The following SNTG1 variants were observed in gnomAD, a reference collection of about 807,000 sequenced individuals.
SNTG1 encodes gamma-1-syntrophin.
In SNTG1, 39 loss-of-function variants were observed where a neutral mutation model predicts 74.7. The observed-to-expected ratio is 0.52, with a 90% CI of 0.40 to 0.68. The LOEUF is 0.68. Among genes scored for constraint, SNTG1 ranks in the 30% least tolerant of loss-of-function variants. The pLI is 0.00. For missense variants in SNTG1, 685 were observed against 609.5 expected (o/e 1.12, Z -1.30); for synonymous variants, 254 against 217.1 (o/e 1.17, Z -1.49).
chr8:50,439,812 C>T (rs1367723466), intron 5 of SNTG1, among the ~76,000 whole-genome samples: 2 of 139,692 alleles, frequency 1.4e-5, no homozygotes, highest in East Asian at 2.3e-4. Flanking sequence ...TGAATAAAAT[C>T]CAATAGTGAG....
At chr8:50,726,571 T>C (rs920009750) in intron 17 of SNTG1, among the ~76,000 whole-genome samples, 11 of 152,286 alleles carry the variant, frequency 7.2e-5, no homozygotes, top group African/African-American at 1.9e-4. Context: ...AATTTGAGGC[T>C]GGGCGCACTG....
chr8:50,497,718 T>C (rs1276093099), intron 8 of SNTG1, among the ~76,000 whole-genome samples: 1 of 151,990 alleles, frequency 6.6e-6, no homozygotes, highest in Non-Finnish European at 1.5e-5. Context: ...AATACTCATT[T>C]ACCCTAAAAG....
At chr8:50,455,427 G>A (rs2093496217) in intron 8 of SNTG1, among the ~76,000 whole-genome samples, 1 of 152,158 alleles carries the variant, frequency 6.6e-6, no homozygotes, top group African/African-American at 2.4e-5. Context: ...ACCTAATTCT[G>A]AAGTCATGAT....
intron 1 of SNTG1, among the ~76,000 whole-genome samples, chr8:50,053,232 G>A (rs1204537516): frequency 6.6e-6 from 1 of 152,110 alleles, no homozygotes; most frequent in Non-Finnish European, 1.5e-5. Flanking sequence ...TTTTACAAGG[G>A]AATAGTCTTT....
At chr8:50,153,080 AT>A (rs1177105784) in intron 1 of SNTG1, among the ~76,000 whole-genome samples, 1 of 151,968 alleles carries the variant, frequency 6.6e-6, no homozygotes, top group Non-Finnish European at 1.5e-5. Context: ...ATAGTACCAT[AT>A]TTCTTGGAGG....
At chr8:50,695,074 G>C (rs1192149823) in intron 15 of SNTG1, among the ~76,000 whole-genome samples, 1 of 151,814 alleles carries the variant, frequency 6.6e-6, no homozygotes. Flanking sequence ...AGTGTTGAAG[G>C]TCCAAGCCAG....
intron 12 of SNTG1, among the ~76,000 whole-genome samples, chr8:50,585,464 G>A (rs530765770): frequency 1.2e-4 from 19 of 152,218 alleles, no homozygotes; most frequent in South Asian, 4.1e-4. Flanking sequence ...TTTTAGCTAC[G>A]TATAACACAA....
chr8:50,657,306 G>A (rs1191392875), intron 14 of SNTG1, among the ~76,000 whole-genome samples: 1 of 151,900 alleles, frequency 6.6e-6, no homozygotes, highest in African/African-American at 2.4e-5. Flanking sequence ...TGACGACATG[G>A]GAAAGGAGAT....
intron 2 of SNTG1, among the ~76,000 whole-genome samples, chr8:50,266,439 A>G (rs937641229): frequency 1.3e-5 from 2 of 152,002 alleles, no homozygotes; most frequent in Admixed American, 6.6e-5. Flanking sequence ...TTAACTTAAA[A>G]TAGATTATAG....
At chr8:50,153,816 TG>T (rs988838096) in intron 1 of SNTG1, among the ~76,000 whole-genome samples, 1 of 152,104 alleles carries the variant, frequency 6.6e-6, no homozygotes, top group Admixed American at 6.6e-5. Flanking sequence ...TGCCCCCTAC[TG>T]GGGGGTGCCT....
At chr8:50,247,685 T>TA (rs1479579053) in intron 2 of SNTG1, among the ~76,000 whole-genome samples, 3 of 151,172 alleles carry the variant, frequency 2.0e-5, no homozygotes, top group Admixed American at 2.0e-4. Flanking sequence ...TTTTTAGTTT[T>TA]TTTTTTTAAT....
chr8:50,771,758 G>C (rs1475816424), intron 18 of SNTG1, among the ~76,000 whole-genome samples: 12 of 151,972 alleles, frequency 7.9e-5, no homozygotes, highest in Admixed American at 7.9e-4. Flanking sequence ...AATGGTTTTG[G>C]GGGACAGGCC....
chr8:50,694,012 G>A (rs1357703257), intron 15 of SNTG1, among the ~76,000 whole-genome samples: 1 of 151,958 alleles, frequency 6.6e-6, no homozygotes, highest in East Asian at 1.9e-4. Context: ...AAAGGAGAAA[G>A]ATTTCATATA....
chr8:50,765,225 G>C (rs890662819), intron 18 of SNTG1, among the ~76,000 whole-genome samples: 6 of 152,146 alleles, frequency 3.9e-5, no homozygotes, highest in Admixed American at 2.0e-4. Flanking sequence ...GGCATGAGTG[G>C]GTATGGGGCC....
intron 13 of SNTG1, among the ~76,000 whole-genome samples, chr8:50,629,065 C>T (rs2094977404): frequency 6.6e-6 from 1 of 151,960 alleles, no homozygotes; most frequent in South Asian, 2.1e-4. Flanking sequence ...TTGCCAGAGC[C>T]TGAGGGGAAG....
At chr8:50,103,619 G>A (rs1314475462) in intron 1 of SNTG1, among the ~76,000 whole-genome samples, 5 of 152,156 alleles carry the variant, frequency 3.3e-5, no homozygotes, top group African/African-American at 7.2e-5. Flanking sequence ...TGGTGAGAGA[G>A]GGCATCCCTG....
chr8:50,152,960 AG>A (rs763117359), intron 1 of SNTG1, among the ~76,000 whole-genome samples: 4 of 152,114 alleles, frequency 2.6e-5, no homozygotes, highest in Non-Finnish European at 4.4e-5. Context: ...CTGCCTTGCT[AG>A]GTTGGGGAAG....
intron 15 of SNTG1, among the ~76,000 whole-genome samples, chr8:50,693,024 G>A (rs2095388825): frequency 6.6e-6 from 1 of 152,168 alleles, no homozygotes; most frequent in Admixed American, 6.5e-5. Flanking sequence ...CAATGAGCAA[G>A]ACTCCGTGGG....
chr8:50,065,192 G>A (rs1218115317), intron 1 of SNTG1, among the ~76,000 whole-genome samples: 1 of 152,122 alleles, frequency 6.6e-6, no homozygotes, highest in African/African-American at 2.4e-5. Flanking sequence ...ATTTTCAAAT[G>A]AATGAATTGG....
Sources: gnomAD v4.1 joint callset for allele counts (sites outside exome capture counted in the v4.1 genomes callset) on GRCh38, gnomAD v4.1.1 for gene constraint, MANE v1.5 for transcripts, NCBI Gene and HGNC (gene_info 2026-07-23, HGNC 2026-07-21) for gene names.